FOXN1: variants seen among roughly 807,000 people sequenced by gnomAD.
The protein encoded by FOXN1 is forkhead box N1, also known as forkhead box protein N1.
FOXN1 carries 15 observed loss-of-function variants against 49.0 expected under a neutral mutation model. The observed-to-expected ratio is 0.31, with a 90% CI of 0.20 to 0.47. The LOEUF (loss-of-function observed/expected upper bound fraction) is 0.47, where lower values mean the gene tolerates loss of function less well. FOXN1 is among the 20% of genes least tolerant of loss of function. FOXN1 has a pLI of 1.00. For missense variants in FOXN1, 800 were observed against 842.8 expected (o/e 0.95, Z 0.63); for synonymous variants, 356 against 369.0 (o/e 0.96, Z 0.40).
rs1331309715 is a variant in FOXN1, at chr17:28,537,313, G to T, written c.1824G>T (p.Leu608=). 1 of 1,613,676 alleles carries T rather than the reference G, an allele frequency of 6.2e-7. No individual in the cohort carries two copies. Among genetic ancestry groups the T allele is most frequent in the Non-Finnish European group, 8.5e-7 (1 of 1,179,790 alleles). The stretch of plus-strand genomic sequence containing the variant: ...CGGGCAGTGGTGGCTCCGGGGCACT[G>T]GGTGACCTGCACCTCACCACCCTCT... ...AAPGSGGSGA[L]GDLHLTTLYS... is the part of the protein sequence containing the mutation. The change falls in exon 9 of 9, where the codon CTG becomes CTT. Residue 608 remains leucine (L), a synonymous_variant. Coordinates refer to ENST00000579795, the MANE Select transcript of FOXN1 (RefSeq NM_001369369.1).
intron 2 of FOXN1, 115 bp from the exon 3 acceptor site, chr17:28,524,388 T>C (rs1290582567): frequency 3.2e-6 from 3 of 948,418 alleles, no homozygotes; most frequent in African/African-American, 3.3e-5. Flanking sequence ...CCATTTAGGG[T>C]CTTCCCAGAG....
chr17:28,512,563 G>A (rs557583948), intron 1 of FOXN1, among the ~76,000 whole-genome samples: 45 of 152,232 alleles, frequency 3.0e-4, no homozygotes, highest in Non-Finnish European at 5.1e-4. Flanking sequence ...GAGCCTAGGA[G>A]TTTGAGACCA....
At chr17:28,510,380 A>G (rs929452404) in intron 1 of FOXN1, among the ~76,000 whole-genome samples, 5 of 152,048 alleles carry the variant, frequency 3.3e-5, no homozygotes, top group Admixed American at 2.0e-4. Flanking sequence ...ACACACACAG[A>G]GACACACACA....
intron 1 of FOXN1, among the ~76,000 whole-genome samples, chr17:28,515,325 T>TACCTCCACAGGGTACAC (rs1260545745): frequency 6.7e-6 from 1 of 150,084 alleles, no homozygotes; most frequent in Non-Finnish European, 1.5e-5. Context: ...ACAGAGTACA[T>TACCTCCACAGGGTACAC]ACCTCCACAG....
Position 28,534,765 on chromosome 17 carries a change from C to A in FOXN1, c.1194C>A (p.Gly398=), listed in dbSNP as rs1200486689. The change falls in exon 8 of 9, where the codon GGC becomes GGA. Residue 398 remains glycine, a synonymous_variant. Transcript: ENST00000579795. This position sits in a 1 kb window ranked among gnomAD's most constrained non-coding sequence, Gnocchi z 4.1. ...AAAAGCTGGGCTCCCCACTCCTGGGCTGTCCGCCCCCTGGGCTGTCCGGCT... is the reference window on the plus strand; with the variant it reads ...AAAAGCTGGGCTCCCCACTCCTGGGATGTCCGCCCCCTGGGCTGTCCGGCT... ...KREKLGSPLL[G]CPPPGLSGSG... 6.2e-7 allele frequency: 1 copy of A among 1,613,452 alleles called. No individual in the cohort carries two copies. The highest frequency in any genetic ancestry group is 8.5e-7 in the Non-Finnish European group (1 of 1,179,668).
chr17:28,512,962 T>C (rs1410528015), intron 1 of FOXN1, among the ~76,000 whole-genome samples: 2 of 152,212 alleles, frequency 1.3e-5, no homozygotes, highest in South Asian at 4.1e-4. Context: ...AGAGAAGGGG[T>C]CCTAGTAGGT....
At chr17:28,521,392 C>G (rs2069637340) in intron 1 of FOXN1, among the ~76,000 whole-genome samples, 1 of 152,232 alleles carries the variant, frequency 6.6e-6, no homozygotes, top group South Asian at 2.1e-4. Context: ...ACCAAGCCCC[C>G]TGCACCACCT....
rs951542551 is a variant in FOXN1 at position 28,527,322 on chromosome 17, G to A, written c.660G>A (p.Leu220=). 6 of 1,613,726 alleles carry A rather than the reference G, an allele frequency of 3.7e-6. No individual in the cohort carries two copies. Among genetic ancestry groups the A allele is most frequent in the African/African-American group, 1.3e-5 (1 of 74,918 alleles). ...GAGMFCYQPP[L]QHMYCSSQPP... ...GGATGTTCTGCTACCAGCCTCCCTT[G>A]CAGCATATGTACTGCTCCTCCCAGC... Residue 220 remains leucine, a synonymous_variant, in exon 4 of 9, where the codon TTG becomes TTA. Transcript: ENST00000579795.
At chr17:28,533,654 T>C (rs1453670274) in intron 6 of FOXN1, among the ~76,000 whole-genome samples, 2 of 152,160 alleles carry the variant, frequency 1.3e-5, no homozygotes, top group Non-Finnish European at 2.9e-5. Context: ...CATGGACCCA[T>C]GAAGGAGTAT....
At chr17:28,536,020 T>G (rs2070056146) in intron 8 of FOXN1, among the ~76,000 whole-genome samples, 1 of 152,182 alleles carries the variant, frequency 6.6e-6, no homozygotes, top group South Asian at 2.1e-4. Flanking sequence ...TGCAGATGGC[T>G]AAGCCCACCC....
At chr17:28,526,898 C>T (rs2069782145) in intron 3 of FOXN1, among the ~76,000 whole-genome samples, 2 of 152,152 alleles carry the variant, frequency 1.3e-5, no homozygotes, top group Non-Finnish European at 2.9e-5. Context: ...GGTCTGAGAC[C>T]TCTGAGTCAG....
rs1379041046 is a variant in FOXN1 at position 28,537,219 on chromosome 17, C to G, written c.1730C>G (p.Pro577Arg). The change falls in exon 9 of 9, where the codon CCA (proline) becomes CGA (arginine). Residue 577 changes from proline to arginine, a missense_variant. Pro to Arg is a moderately radical substitution (Grantham distance 103, BLOSUM62 -2). Transcript: ENST00000579795. ...TSSSMPPPQPPPHCFPPGPCL... is the reference protein window; with the variant it reads ...TSSSMPPPQPRPHCFPPGPCL... ...TCTTCGATGCCACCACCCCAGCCAC[C>G]ACCTCACTGCTTCCCCCCTGGGCCC... is the stretch of plus-strand genomic sequence containing the variant. 9 of 1,613,900 alleles carry G rather than the reference C, an allele frequency of 5.6e-6. No individual in the cohort carries two copies. Among genetic ancestry groups the G allele is most frequent in the Non-Finnish European group, 6.8e-6 (8 of 1,179,788 alleles).
intron 8 of FOXN1, among the ~76,000 whole-genome samples, chr17:28,536,326 C>G (rs749548238): frequency 6.6e-6 from 1 of 152,220 alleles, no homozygotes; most frequent in Admixed American, 6.5e-5. Context: ...TTTACTTGAT[C>G]CCCTGCTAGG....
At chr17:28,524,262 C>G (rs1361660363) in intron 2 of FOXN1, among the ~76,000 whole-genome samples, 170 bp downstream of exon 2, 2 of 152,196 alleles carry the variant, frequency 1.3e-5, no homozygotes, top group Non-Finnish European at 2.9e-5. Flanking sequence ...CACTCCTCAT[C>G]CCTTCAGTCT....
intron 8 of FOXN1, 133 bp downstream of exon 8, chr17:28,535,331 G>A: frequency 1.1e-6 from 1 of 930,894 alleles, no homozygotes; most frequent in Non-Finnish European, 1.6e-6. Context: ...AGCAGAGGAG[G>A]CTGGACCTGG....
intron 5 of FOXN1, 58 bp from the exon 6 acceptor site, chr17:28,530,675 AGGGGTGGGGGGCTTGG>A (rs1253305250): frequency 2.4e-6 from 2 of 822,528 alleles, no homozygotes; most frequent in African/African-American, 3.3e-5. Context: ...GCCTCTCACC[AGGGGTGGGGGGCTTGG>A]GGTGGGCTCA....
In FOXN1 at chr17:28,519,072, G is replaced by A. The variant is rs536763978; in HGVS notation, c.-14-4884G>A. ...ACTGGATATGGAGTTGGGAAGAAAT[G>A]GGCACAATTGGCTCTCATGAGCCCT... On this transcript the variant is annotated intron_variant, in intron 1 of 8. Coordinates refer to ENST00000579795, the MANE Select transcript of FOXN1 (RefSeq NM_001369369.1). Among the ~76,000 whole-genome samples, 5 of 152,298 alleles carry A rather than the reference G, an allele frequency of 3.3e-5. No homozygotes were observed. In the South Asian group the frequency reaches 6.2e-4, roughly 19 times the overall value.
intron 3 of FOXN1, among the ~76,000 whole-genome samples, chr17:28,525,420 C>T (rs2151488180): frequency 6.6e-6 from 1 of 152,302 alleles, no homozygotes; most frequent in African/African-American, 2.4e-5. Flanking sequence ...GGGACCCTTC[C>T]TGGCCCCATT....
In FOXN1 at chr17:28,527,231, T is replaced by C; in HGVS notation, c.589-20T>C. On this transcript the variant is annotated intron_variant, in intron 3 of 8. Coordinates refer to ENST00000579795, the MANE Select transcript of FOXN1 (RefSeq NM_001369369.1). ...GAGAAAATAAGGCCTAATCTAGTCA[T>C]CTGCTTTCTCTTCCAGCAGGGTTCA... 6.5e-7 allele frequency: 1 copy of C among 1,545,640 alleles called. No homozygotes were observed. The highest frequency in any genetic ancestry group is 8.9e-7 in the Non-Finnish European group (1 of 1,117,750).
Sources: gnomAD v4.1 joint callset for allele counts (sites outside exome capture counted in the v4.1 genomes callset) on GRCh38, gnomAD v4.1.1 for gene constraint, Gnocchi (gnomAD v3.1) non-coding constraint, MANE v1.5 for transcripts, NCBI Gene and HGNC (gene_info 2026-07-23, HGNC 2026-07-21) for gene names.